The following FBXL2 variants were observed in gnomAD, a reference collection of about 807,000 sequenced individuals.
The protein encoded by FBXL2 is F-box and leucine rich repeat protein 2.
FBXL2 carries 38 observed loss-of-function variants against 69.2 expected under a neutral mutation model. The ratio of observed to expected loss-of-function variants is 0.55; its 90% CI spans 0.42 to 0.72. The LOEUF (loss-of-function observed/expected upper bound fraction) is 0.72. FBXL2 is among the 30% of genes least tolerant of loss of function. FBXL2 has a pLI of 0.00. For missense variants in FBXL2, 354 were observed against 520.3 expected (o/e 0.68, Z 3.11); for synonymous variants, 192 against 201.3 (o/e 0.95, Z 0.39).
At chr3:33,279,132 T>A (rs1329757822) in intron 1 of FBXL2, among the ~76,000 whole-genome samples, 1 of 152,258 alleles carries the variant, frequency 6.6e-6, no homozygotes, top group African/African-American at 2.4e-5. Context: ...TTTTTGTTTG[T>A]CTTTAAGCAT....
rs1008802278 is a variant in FBXL2, at chr3:33,386,320, G to A, written c.*712G>A. The A allele has an allele frequency of 1.3e-5, 2 of 152,794 alleles. No homozygotes were observed. Among genetic ancestry groups the A allele is most frequent in the Admixed American group, 1.3e-4 (2 of 15,310 alleles). 9.5% of individuals were successfully genotyped at this position (152,794 alleles called of 1,614,324 possible). A position where few individuals can be genotyped will look rare whatever the true frequency, so the allele number is the denominator to read the frequency against. On this transcript the variant is annotated 3_prime_UTR_variant, in exon 15 of 15. Transcript: ENST00000484457. The stretch of plus-strand genomic sequence containing the variant: ...GCCTGATTGGAAAGTAGAAGCTCTG[G>A]TGTATGCTACAGCACATAACACATT...
chr3:33,376,169 A>AC (rs2042627481), intron 10 of FBXL2, among the ~76,000 whole-genome samples: 2 of 151,476 alleles, frequency 1.3e-5, no homozygotes, highest in Non-Finnish European at 2.9e-5. Context: ...AAAAAAAAAC[A>AC]AAAAAAACAA....
intron 2 of FBXL2, among the ~76,000 whole-genome samples, chr3:33,307,003 A>G (rs139007149): frequency 2.0e-5 from 3 of 152,214 alleles, no homozygotes; most frequent in African/African-American, 7.2e-5. Flanking sequence ...GCTTGATTCT[A>G]TCCTTTTATT....
At chr3:33,280,445 A>G (rs2033847258) in intron 1 of FBXL2, among the ~76,000 whole-genome samples, 1 of 152,334 alleles carries the variant, frequency 6.6e-6, no homozygotes, top group African/African-American at 2.4e-5. Flanking sequence ...TCAGTGGCTC[A>G]CGCCTGTAAT....
the FBXL2 span, chr3:33,416,744 T>G: frequency 6.3e-7 from 1 of 1,592,240 alleles, no homozygotes; most frequent in Non-Finnish European, 8.6e-7. Flanking sequence ...GGAATTAAAA[T>G]GGACTGTCCT....
chr3:33,297,931 A>G (rs111624680), intron 2 of FBXL2: 13 of 615,120 alleles, frequency 2.1e-5, no homozygotes, highest in Middle Eastern at 5.2e-4. Context: ...AAGTATGTAC[A>G]TAGCATTGGT....
intron 2 of FBXL2, among the ~76,000 whole-genome samples, chr3:33,315,199 TTTC>T (rs1052835605): frequency 6.6e-6 from 1 of 151,974 alleles, no homozygotes; most frequent in African/African-American, 2.4e-5. Flanking sequence ...TTTCTTTTCT[TTTC>T]TTTTTCTTTC....
intron 11 of FBXL2, among the ~76,000 whole-genome samples, chr3:33,377,743 C>T (rs1461049113): frequency 4.6e-5 from 7 of 152,170 alleles, no homozygotes; most frequent in Non-Finnish European, 1.5e-5. Context: ...TTGGCTACCT[C>T]CACCCAACCC....
At chr3:33,327,560 A>G (rs796102227) in intron 2 of FBXL2, among the ~76,000 whole-genome samples, 20 of 152,282 alleles carry the variant, frequency 1.3e-4, no homozygotes, top group African/African-American at 4.8e-4. Flanking sequence ...GTGTCTAATC[A>G]AAAGTCAACT....
chr3:33,401,132 G>T, intron 12 of FBXL2: 1 of 903,732 alleles, frequency 1.1e-6, no homozygotes, highest in Admixed American at 3.4e-5. Context: ...GGCAACAGTG[G>T]GAGACAGCTA....
chr3:33,396,864 A>T, intron 12 of FBXL2: 1 of 696,902 alleles, frequency 1.4e-6, no homozygotes, highest in Non-Finnish European at 2.6e-6. Context: ...TGCCTGCATC[A>T]TATCTGGGCC....
At chr3:33,305,992 A>G (rs1482870549) in intron 2 of FBXL2, among the ~76,000 whole-genome samples, 1 of 151,828 alleles carries the variant, frequency 6.6e-6, no homozygotes, top group Admixed American at 6.6e-5. Flanking sequence ...TTTTGGCTTC[A>G]TTCTTTTCTA....
intron 2 of FBXL2, among the ~76,000 whole-genome samples, chr3:33,348,155 A>C (rs773486736): frequency 3.3e-5 from 5 of 152,160 alleles, no homozygotes; most frequent in Admixed American, 2.0e-4. Context: ...TCATAGTTAA[A>C]GGTCTTAGAT....
At chr3:33,282,350 TG>T (rs1161903287) in intron 1 of FBXL2, among the ~76,000 whole-genome samples, 1 of 152,186 alleles carries the variant, frequency 6.6e-6, no homozygotes, top group African/African-American at 2.4e-5. Context: ...AAAGATCAGA[TG>T]TTTGTAGATG....
chr3:33,282,062 T>G (rs1198694479), intron 1 of FBXL2, among the ~76,000 whole-genome samples: 7 of 152,204 alleles, frequency 4.6e-5, no homozygotes, highest in Admixed American at 4.6e-4. Context: ...TAGATCCCAT[T>G]TGTCAATTTT....
chr3:33,356,798 A>G (rs992699485), intron 2 of FBXL2, among the ~76,000 whole-genome samples: 3 of 152,200 alleles, frequency 2.0e-5, no homozygotes, highest in African/African-American at 7.2e-5. Flanking sequence ...AGTATCAAGC[A>G]TATGGTATTG....
rs375332694 is a variant in FBXL2, at chr3:33,375,367, A to C, written c.737A>C (p.Asn246Thr). Residue 246 changes from asparagine to threonine, a missense_variant, in exon 10 of 15, where the codon AAC (asparagine) becomes ACC (threonine). By Grantham distance (65) the Asn-to-Thr change is moderately conservative. Coordinates refer to ENST00000484457, the MANE Select transcript of FBXL2 (RefSeq NM_012157.5). Reference sequence around the variant, plus strand: ...GCTCTCTGCCTTTCGGGTTGCAGCAACCTCACAGATGCCTCTCTTACAGCC... The same window carrying C: ...GCTCTCTGCCTTTCGGGTTGCAGCACCCTCACAGATGCCTCTCTTACAGCC... ...LQALCLSGCS[N>T]LTDASLTALG... 6.8e-6 allele frequency: 11 copies of C among 1,614,182 alleles called. No individual in the cohort carries two copies. The highest frequency in any genetic ancestry group is 9.3e-6 in the Non-Finnish European group (11 of 1,180,022).
chr3:33,362,007 G>T (rs2041658789), intron 4 of FBXL2, among the ~76,000 whole-genome samples: 1 of 152,188 alleles, frequency 6.6e-6, no homozygotes, highest in Non-Finnish European at 1.5e-5. Context: ...TGACACTGTT[G>T]TAAGTACCAT....
intron 2 of FBXL2, among the ~76,000 whole-genome samples, chr3:33,352,134 A>G (rs573747305): frequency 6.6e-6 from 1 of 152,312 alleles, no homozygotes; most frequent in Non-Finnish European, 1.5e-5. Context: ...AGATTAATGG[A>G]CCAATGAAAC....
Sources: gnomAD v4.1 joint callset for allele counts (sites outside exome capture counted in the v4.1 genomes callset) on GRCh38, gnomAD v4.1.1 for gene constraint, MANE v1.5 for transcripts, NCBI Gene and HGNC (gene_info 2026-07-23, HGNC 2026-07-21) for gene names.